The following TMEFF1 variants were observed in gnomAD, a reference collection of about 807,000 sequenced individuals.
TMEFF1 encodes tomoregulin-1.
In TMEFF1, 20 loss-of-function variants were observed where a neutral mutation model predicts 47.5. That is an observed-to-expected ratio of 0.42 (90% CI 0.30 to 0.61). The LOEUF (loss-of-function observed/expected upper bound fraction) is 0.61, where lower values mean the gene tolerates loss of function less well. Among genes scored for constraint, TMEFF1 ranks in the 20% least tolerant of loss-of-function variants. The pLI, the probability that TMEFF1 is intolerant of heterozygous loss-of-function variation, is 0.19. For missense variants in TMEFF1, 411 were observed against 471.1 expected, an observed-to-expected ratio of 0.87 and a Z score of 1.18; for synonymous variants, 162 against 166.3, an observed-to-expected ratio of 0.97 and a Z score of 0.20.
intron 5 of TMEFF1, among the ~76,000 whole-genome samples, chr9:100,517,781 A>G (rs549571590): frequency 6.0e-4 from 91 of 152,240 alleles, no homozygotes; most frequent in Non-Finnish European, 1.1e-3. Context: ...TTGGAAGAAC[A>G]TGTTTTCCAA....
At chr9:100,571,452 A>G (rs1259397356) in intron 8 of TMEFF1, among the ~76,000 whole-genome samples, 1 of 152,170 alleles carries the variant, frequency 6.6e-6, no homozygotes, top group Non-Finnish European at 1.5e-5. Context: ...AAAAAATGCT[A>G]AGAGAGTAGA....
At chr9:100,542,502 T>C (rs1240810838) in intron 5 of TMEFF1, among the ~76,000 whole-genome samples, 1 of 152,228 alleles carries the variant, frequency 6.6e-6, no homozygotes, top group Non-Finnish European at 1.5e-5. Flanking sequence ...CAAGTTACTT[T>C]TATTTTACCC....
chr9:100,496,784 A>G (rs1217611060), intron 1 of TMEFF1, among the ~76,000 whole-genome samples: 1 of 152,232 alleles, frequency 6.6e-6, no homozygotes, highest in African/African-American at 2.4e-5. Context: ...ACAAAATAAA[A>G]ACTTTACTTA....
chr9:100,505,461 A>G (rs988623004), intron 2 of TMEFF1, among the ~76,000 whole-genome samples: 1 of 149,568 alleles, frequency 6.7e-6, no homozygotes, highest in African/African-American at 2.5e-5. Flanking sequence ...GCAATTTCAT[A>G]CCAGGAGTAC....
chr9:100,576,332 A>G (rs566231197), intron 9 of TMEFF1, among the ~76,000 whole-genome samples, 184 bp from the exon 10 acceptor site: 46 of 152,314 alleles, frequency 3.0e-4, no homozygotes, highest in Middle Eastern at 3.4e-3. Context: ...TAGAGGAGGT[A>G]GCAGTCTGAA....
At chr9:100,536,662 A>G (rs1176519474) in intron 5 of TMEFF1, among the ~76,000 whole-genome samples, 1 of 152,204 alleles carries the variant, frequency 6.6e-6, no homozygotes, top group Non-Finnish European at 1.5e-5. Context: ...ATTGTTAGTA[A>G]GAGCATGCTA....
rs1450822229 is a variant in TMEFF1, at chr9:100,513,346, T to C, written c.463+13T>C. On this transcript the variant is annotated intron_variant, in intron 4 of 9. Transcript: ENST00000374879. The stretch of plus-strand genomic sequence containing the variant: ...TCTGGAGAAGGAGGTAAGTTTCAAG[T>C]ACCTCTTAAAGGATATTTGCTTTTC... 5.7e-6 allele frequency: 9 copies of C among 1,592,822 alleles called. No individual in the cohort carries two copies. Among genetic ancestry groups the C allele is most frequent in the Non-Finnish European group, 7.7e-6 (9 of 1,172,230 alleles).
intron 5 of TMEFF1, among the ~76,000 whole-genome samples, chr9:100,541,202 C>T (rs912388882): frequency 6.6e-6 from 1 of 151,972 alleles, no homozygotes; most frequent in Non-Finnish European, 1.5e-5. Flanking sequence ...ATTCTGTTAC[C>T]TTTTTTTGGG....
intron 8 of TMEFF1, 46 bp downstream of exon 8, chr9:100,561,566 A>G (rs755256215): frequency 1.5e-5 from 23 of 1,585,112 alleles, no homozygotes; most frequent in Admixed American, 1.8e-5. Flanking sequence ...TTTTTCATCA[A>G]TGGTTGTTGC....
chr9:100,520,706 T>C (rs113622095), intron 5 of TMEFF1, among the ~76,000 whole-genome samples: 5 of 152,370 alleles, frequency 3.3e-5, no homozygotes, highest in African/African-American at 1.2e-4. Context: ...ACACATAATA[T>C]ATTTTTAAGC....
At chr9:100,533,382 C>G (rs1011933646) in intron 5 of TMEFF1, among the ~76,000 whole-genome samples, 1 of 152,042 alleles carries the variant, frequency 6.6e-6, no homozygotes, top group African/African-American at 2.4e-5. Context: ...AAAAGTTGCT[C>G]ATTTCACCTA....
chr9:100,571,938 C>T (rs1432426915), intron 8 of TMEFF1, among the ~76,000 whole-genome samples: 1 of 152,024 alleles, frequency 6.6e-6, no homozygotes, highest in Non-Finnish European at 1.5e-5. Flanking sequence ...AATCTAATGC[C>T]AGTGCTGATC....
intron 1 of TMEFF1, among the ~76,000 whole-genome samples, chr9:100,487,740 T>C (rs1837476813): frequency 6.6e-6 from 1 of 151,836 alleles, no homozygotes; most frequent in African/African-American, 2.4e-5. Context: ...CTTATAACCA[T>C]TGGAATCCTA....
rs1839366292 is a variant in TMEFF1 at position 100,577,172 on chromosome 9, T to C, written c.*572T>C. On this transcript the variant is annotated 3_prime_UTR_variant, in exon 10 of 10. Coordinates refer to ENST00000374879, the MANE Select transcript of TMEFF1 (RefSeq NM_003692.5). ...CCCTTTGAAAAAATAGTCCTAATAA[T>C]TTGAACAAATATGTTAGTAATGATG... 6.6e-6 allele frequency: 1 copy of C among 152,638 alleles called. No individual in the cohort carries two copies. The highest frequency in any genetic ancestry group is 1.5e-5 in the Non-Finnish European group (1 of 68,044). The allele number at this position is 152,638 out of a possible 1,614,324, so 9.5% of individuals were successfully genotyped here.
intron 1 of TMEFF1, among the ~76,000 whole-genome samples, chr9:100,475,490 A>G (rs540514684): frequency 6.6e-6 from 1 of 152,296 alleles, no homozygotes; most frequent in East Asian, 1.9e-4. Flanking sequence ...ACAAATATTA[A>G]TTATCAAACT....
At chr9:100,490,267 TA>T (rs1257728666) in intron 1 of TMEFF1, among the ~76,000 whole-genome samples, 1 of 152,206 alleles carries the variant, frequency 6.6e-6, no homozygotes, top group Non-Finnish European at 1.5e-5. Flanking sequence ...AAATATTAGG[TA>T]AAGTTTCTTT....
intron 5 of TMEFF1, among the ~76,000 whole-genome samples, chr9:100,522,635 C>T (rs1838184478): frequency 6.6e-6 from 1 of 151,788 alleles, no homozygotes; most frequent in South Asian, 2.1e-4. Flanking sequence ...TGGGGTTTCA[C>T]CATCTTGGCC....
intron 5 of TMEFF1, among the ~76,000 whole-genome samples, chr9:100,538,352 G>T (rs997211498): frequency 1.3e-5 from 2 of 152,154 alleles, no homozygotes; most frequent in Non-Finnish European, 2.9e-5. Context: ...CTCTGTGCCC[G>T]GCCAGAAACA....
chr9:100,513,596 C>T (rs1838007700), intron 4 of TMEFF1, among the ~76,000 whole-genome samples: 1 of 152,104 alleles, frequency 6.6e-6, no homozygotes, highest in African/African-American at 2.4e-5. Context: ...CCTTAGCCAT[C>T]ACTCCTAACC....
Sources: allele counts gnomAD v4.1 joint callset (sites outside exome capture counted in the v4.1 genomes callset), GRCh38; gene constraint gnomAD v4.1.1; transcripts MANE v1.5; gene names NCBI Gene and HGNC (gene_info 2026-07-23, HGNC 2026-07-21).